The following MEIOC variants were observed in gnomAD, a reference collection of about 807,000 sequenced individuals.
MEIOC encodes the protein meiosis-specific coiled-coil domain-containing protein MEIOC.
MEIOC carries 9 observed loss-of-function variants against 85.3 expected under a neutral mutation model. The ratio of observed to expected loss-of-function variants is 0.11; its 90% CI spans 0.06 to 0.18. The LOEUF is 0.18. MEIOC is among the 10% of genes least tolerant of loss of function. MEIOC has a pLI of 1.00. For missense variants in MEIOC, 898 were observed against 1,129.4 expected, an observed-to-expected ratio of 0.80 and a Z score of 2.94; for synonymous variants, 365 against 393.7, an observed-to-expected ratio of 0.93 and a Z score of 0.86.
Position 44,667,639 on chromosome 17 carries a change from G to T in MEIOC, c.1728G>T (p.Leu576Phe). 1 of 1,612,536 alleles carries T rather than the reference G, an allele frequency of 6.2e-7. No individual in the cohort carries two copies. Among genetic ancestry groups the T allele is most frequent in the Non-Finnish European group, 8.5e-7 (1 of 1,179,252 alleles). ...CTGGAGAAGAAAATCTCTTCAAATT[G>T]GTTACGGATAAAAAAATAAAGCAGC... The part of the protein sequence containing the change: ...TKPGEENLFK[L>F]VTDKKIKQPN... Residue 576 changes from leucine to phenylalanine, a missense_variant, in exon 5 of 8, where the codon TTG becomes TTT. Leu to Phe is a conservative substitution (Grantham distance 22). This residue lies in a region of MEIOC where 734 missense variants were observed against 860.1 expected (regional missense o/e 0.85). Transcript: ENST00000409122.
rs996378370 is a variant in MEIOC, at chr17:44,656,548, C to T, written c.-66C>T. 14 of 1,249,968 alleles carry T rather than the reference C, an allele frequency of 1.1e-5. No individual in the cohort carries two copies. Among genetic ancestry groups the T allele is most frequent in the South Asian group, 2.0e-5 (1 of 49,998 alleles). 77.4% of individuals were successfully genotyped at this position (1,249,968 alleles called of 1,614,324 possible). ...GCGGGCTGAGGGAGCCGGGCCTGGA[C>T]GCCCCCCCCATCACCCCCGTACCCC... On this transcript the variant is annotated 5_prime_UTR_variant, in exon 1 of 8. It adds an upstream start codon to the 5' untranslated region. Coordinates refer to ENST00000409122, the MANE Select transcript of MEIOC (RefSeq NM_001145080.3).
intron 6 of MEIOC, 140 bp downstream of exon 6, chr17:44,669,657 C>T (rs556881337): frequency 1.2e-5 from 9 of 743,942 alleles, no homozygotes; most frequent in Middle Eastern, 6.3e-4. Context: ...GTCAGGAGTT[C>T]GAGACCAGCC....
At chr17:44,661,382 A>G (rs959771495) in intron 2 of MEIOC, among the ~76,000 whole-genome samples, 2 of 150,798 alleles carry the variant, frequency 1.3e-5, no homozygotes, top group African/African-American at 4.9e-5. Context: ...TTTGTTACAT[A>G]TTGGCTGAGT....
intron 2 of MEIOC, among the ~76,000 whole-genome samples, chr17:44,661,996 G>GT (rs1386175598): frequency 6.6e-6 from 1 of 152,126 alleles, no homozygotes; most frequent in Non-Finnish European, 1.5e-5. Context: ...CCCGATACCT[G>GT]TTTTGTAAAT....
At chr17:44,668,638 C>T (rs1372350927) in intron 5 of MEIOC, among the ~76,000 whole-genome samples, 1 of 152,148 alleles carries the variant, frequency 6.6e-6, no homozygotes, top group Non-Finnish European at 1.5e-5. Flanking sequence ...GCTAACTTGC[C>T]TTATTTCTGA....
chr17:44,664,662 C>T (rs1971883020), intron 3 of MEIOC, among the ~76,000 whole-genome samples: 1 of 152,184 alleles, frequency 6.6e-6, no homozygotes, highest in Non-Finnish European at 1.5e-5. Flanking sequence ...AATACTCAAC[C>T]TGTATTACTT....
At position 44,675,350 on chromosome 17, in the gene MEIOC, T is replaced by A. The variant is rs2144680168; in HGVS notation, c.*1154T>A. On this transcript the variant is annotated 3_prime_UTR_variant, in exon 8 of 8. Transcript: ENST00000409122. ...AGAACTTGAGTAATTTATTCGTTAA[T>A]ATGAAATGTTGGTATTATGTGACTC... 4.1e-6 allele frequency: 4 copies of A among 968,782 alleles called. No homozygotes were observed. The highest frequency in any genetic ancestry group is 2.3e-4 in the East Asian group (2 of 8,730). 60.0% of individuals were successfully genotyped at this position (968,782 alleles called of 1,614,324 possible).
At chr17:44,668,317 T>C in intron 5 of MEIOC, 84 bp downstream of exon 5, 1 of 1,210,328 alleles carries the variant, frequency 8.3e-7, no homozygotes, top group Non-Finnish European at 1.2e-6. Flanking sequence ...AGTGTAAGAG[T>C]ACTTGCCTTA....
chr17:44,673,782 A>C (rs1390596004), intron 7 of MEIOC, 194 bp from the exon 8 acceptor site: 1 of 755,736 alleles, frequency 1.3e-6, no homozygotes, highest in East Asian at 2.7e-5. Flanking sequence ...ACTATTGTAC[A>C]AGTCAGAAAT....
rs1971936915 is a variant in MEIOC, at chr17:44,668,048, G to A, written c.2137G>A (p.Asp713Asn). The A allele has an allele frequency of 1.2e-6, 2 of 1,613,124 alleles. No homozygotes were observed. The highest frequency in any genetic ancestry group is 1.7e-6 in the Non-Finnish European group (2 of 1,179,406). Residue 713 changes from aspartate to asparagine, a missense_variant, in exon 5 of 8, where the codon GAT (aspartate) becomes AAT (asparagine). Coordinates refer to ENST00000409122, the MANE Select transcript of MEIOC (RefSeq NM_001145080.3). Reference sequence around the variant, plus strand: ...GGATTCCTATGACTTACTTTCTTATGATGACTTAAGCCATTTGTACCCTTA... The same window carrying A: ...GGATTCCTATGACTTACTTTCTTATAATGACTTAAGCCATTTGTACCCTTA... ...LLDSYDLLSYDDLSHLYPYFN... is the reference protein window; with the variant it reads ...LLDSYDLLSYNDLSHLYPYFN...
chr17:44,675,623 T>C lies in MEIOC; in HGVS notation c.*1427T>C. On this transcript the variant is annotated 3_prime_UTR_variant, in exon 8 of 8. Coordinates refer to ENST00000409122, the MANE Select transcript of MEIOC (RefSeq NM_001145080.3). ...TAGGGAGAAACATTTTGATCACTGA[T>C]ATGCCTTAGAACTACCCAAATGAAT... 1 of 984,874 alleles carries C rather than the reference T, an allele frequency of 1.0e-6. No individual in the cohort carries two copies. Among genetic ancestry groups the C allele is most frequent in the Non-Finnish European group, 1.2e-6 (1 of 829,430 alleles). 61.0% of individuals were successfully genotyped at this position (984,874 alleles called of 1,614,324 possible).
intron 2 of MEIOC, among the ~76,000 whole-genome samples, chr17:44,661,235 C>T (rs1034459944): frequency 3.8e-4 from 56 of 146,858 alleles, no homozygotes; most frequent in African/African-American, 1.2e-3. Context: ...TTGCAGTGAG[C>T]CGAGATCTCG....
At chr17:44,659,955 A>C (rs1322492193) in intron 2 of MEIOC, among the ~76,000 whole-genome samples, 1 of 152,196 alleles carries the variant, frequency 6.6e-6, no homozygotes, top group Admixed American at 6.5e-5. Flanking sequence ...CATAATATAA[A>C]CTATAAACAG....
At chr17:44,673,338 T>G in intron 6 of MEIOC, 28 bp from the exon 7 acceptor site, 1 of 1,511,596 alleles carries the variant, frequency 6.6e-7, no homozygotes, top group Non-Finnish European at 8.9e-7. Context: ...AGGACATGTC[T>G]TATCAAAATT....
chr17:44,674,431 A>G lies in MEIOC; in HGVS notation c.*235A>G. The stretch of plus-strand genomic sequence containing the variant: ...TACTCAGAGTTCTGAGTAGTCAGAT[A>G]ACAAGTTTAAGTAAATTAAATATTT... On this transcript the variant is annotated 3_prime_UTR_variant, in exon 8 of 8. Transcript: ENST00000409122. 8.0e-7 allele frequency: 1 copy of G among 1,249,246 alleles called. No homozygotes were observed. Among genetic ancestry groups the G allele is most frequent in the Non-Finnish European group, 1.0e-6 (1 of 993,556 alleles). 77.4% of individuals were successfully genotyped at this position (1,249,246 alleles called of 1,614,324 possible).
chr17:44,673,722 GTC>G lies in MEIOC; in HGVS notation c.2638+178_2638+179del, dbSNP rs373967438. 4.7e-4 allele frequency: 344 copies of G among 738,636 alleles called. 2 individuals are homozygous for G. In the African/African-American group the frequency reaches 5.6e-3, roughly 12 times the overall value. 45.8% of individuals were successfully genotyped at this position (738,636 alleles called of 1,614,324 possible). A position where few individuals can be genotyped will look rare whatever the true frequency, so the allele number is the denominator to read the frequency against. On this transcript the variant is annotated intron_variant, in intron 7 of 7. Coordinates refer to ENST00000409122, the MANE Select transcript of MEIOC (RefSeq NM_001145080.3). The stretch of plus-strand genomic sequence containing the variant: ...AAAGTATTTCCATTTTATTAATTTT[GTC>G]TGTTATAACTGTTTCAAGACAGTCT...
intron 4 of MEIOC, among the ~76,000 whole-genome samples, chr17:44,666,089 T>G (rs1267225089): frequency 6.6e-6 from 1 of 152,206 alleles, no homozygotes; most frequent in Non-Finnish European, 1.5e-5. Flanking sequence ...TTACTATAGA[T>G]AAATAATTCA....
intron 2 of MEIOC, among the ~76,000 whole-genome samples, chr17:44,659,152 G>C (rs1971812065): frequency 6.6e-6 from 1 of 152,036 alleles, no homozygotes; most frequent in Non-Finnish European, 1.5e-5. Context: ...CATCAATGTT[G>C]ATATTGTTGT....
rs1481990245 is a variant in MEIOC at position 44,657,244 on chromosome 17, G to A, written c.187G>A (p.Asp63Asn). ...VMLTGSASFY[D>N]CYTSQSEDNV... is the part of the protein sequence containing the mutation. ...GTTGACTGGCTCCGCTTCCTTCTACGATTGCTACACATCGCAGGTCCTTTA... is the reference window on the plus strand; with the variant it reads ...GTTGACTGGCTCCGCTTCCTTCTACAATTGCTACACATCGCAGGTCCTTTA... The change falls in exon 2 of 8, where the codon GAT becomes AAT. Residue 63 changes from aspartate to asparagine, a missense_variant. By Grantham distance (23) the Asp-to-Asn change is conservative. This residue lies in a region of MEIOC where 734 missense variants were observed against 860.1 expected (regional missense o/e 0.85). Transcript: ENST00000409122. 6.4e-7 allele frequency: 1 copy of A among 1,551,982 alleles called. No individual in the cohort carries two copies. Among genetic ancestry groups the A allele is most frequent in the Non-Finnish European group, 8.7e-7 (1 of 1,146,916 alleles).
Sources: gnomAD v4.1 joint callset for allele counts (sites outside exome capture counted in the v4.1 genomes callset) on GRCh38, gnomAD v4.1.1 for gene constraint, gnomAD v4.1.1 regional missense constraint, MANE v1.5 for transcripts, NCBI Gene and HGNC (gene_info 2026-07-23, HGNC 2026-07-21) for gene names.